Variants in PTGER4 observed in about 807,000 individuals in gnomAD.
PTGER4 encodes prostaglandin E2 receptor EP4 subtype.
PTGER4 carries 11 observed loss-of-function variants against 33.2 expected under a neutral mutation model. The ratio of observed to expected loss-of-function variants is 0.33; its 90% CI spans 0.21 to 0.55. PTGER4 has a LOEUF of 0.55. Ranked by LOEUF, PTGER4 falls within the 20% of genes least tolerant of loss-of-function variation. The probability of loss-of-function intolerance (pLI) is 0.92; values close to 1 mark genes in which losing one functional copy is unlikely to be tolerated. For synonymous variants in PTGER4, 275 were observed against 281.5 expected, an observed-to-expected ratio of 0.98 and a Z score of 0.23; for missense variants, 481 against 650.2, an observed-to-expected ratio of 0.74 and a Z score of 2.83.
chr5:40,711,237 T>A, the PTGER4 span, among the ~76,000 whole-genome samples: 1 of 152,060 alleles, frequency 6.6e-6, no homozygotes, highest in African/African-American at 2.4e-5. Context: ...GGCAAAATAT[T>A]TGAAAAGTTA....
chr5:40,689,926 A>AT (rs1480809085), intron 2 of PTGER4, among the ~76,000 whole-genome samples: 1 of 152,108 alleles, frequency 6.6e-6, no homozygotes, highest in Non-Finnish European at 1.5e-5. Flanking sequence ...TTCTATTTCT[A>AT]TTTCTATGTG....
chr5:40,693,496 A>C lies in PTGER4; in HGVS notation c.*1118A>C. 1.0e-6 allele frequency: 1 copy of C among 985,988 alleles called. No individual in the cohort carries two copies. The highest frequency in any genetic ancestry group is 1.7e-5 in the African/African-American group (1 of 57,354). 61.1% of individuals were successfully genotyped at this position (985,988 alleles called of 1,614,324 possible). A position where few individuals can be genotyped will look rare whatever the true frequency, so the allele number is the denominator to read the frequency against. ...GTTACATTAGCCATTCATGTATGTC[A>C]GAAGTGCAGAATTGGGGCACTTAAT... On this transcript the variant is annotated 3_prime_UTR_variant, in exon 3 of 3. Coordinates refer to ENST00000302472, the MANE Select transcript of PTGER4 (RefSeq NM_000958.3).
the PTGER4 span, among the ~76,000 whole-genome samples, chr5:40,741,317 CCT>C: frequency 5.1e-3 from 783 of 152,252 alleles, 5 homozygotes; most frequent in African/African-American, 0.018. Context: ...GAAATAACCC[CCT>C]GTGACTCCAG....
At chr5:40,685,330 C>A in intron 2 of PTGER4, 1 of 894,352 alleles carries the variant, frequency 1.1e-6, no homozygotes, top group Non-Finnish European at 1.3e-6. Flanking sequence ...AGCATTTGAT[C>A]AGCAAAAGTT....
chr5:40,704,789 T>A, the PTGER4 span, among the ~76,000 whole-genome samples: 1 of 152,048 alleles, frequency 6.6e-6, no homozygotes, highest in Admixed American at 6.6e-5. Context: ...GTCTCTACAA[T>A]GAGAATTACA....
chr5:40,691,726 G>A lies in PTGER4; in HGVS notation c.868-53G>A. 5 of 1,558,570 alleles carry A rather than the reference G, an allele frequency of 3.2e-6. No homozygotes were observed. Among genetic ancestry groups the A allele is most frequent in the Non-Finnish European group, 3.5e-6 (4 of 1,153,130 alleles). Reference sequence around the variant, plus strand: ...GATAAGGTAGACATAGCATTTATATGTTTTCCCAATTGATTAATGATGAAA... The same window carrying A: ...GATAAGGTAGACATAGCATTTATATATTTTCCCAATTGATTAATGATGAAA... On this transcript the variant is annotated intron_variant, in intron 2 of 2. Transcript: ENST00000302472. This position sits in a 1 kb window ranked among gnomAD's most constrained non-coding sequence, Gnocchi z 4.2.
Position 40,693,506 on chromosome 5 carries a change from A to G in PTGER4, c.*1128A>G. On this transcript the variant is annotated 3_prime_UTR_variant, in exon 3 of 3. Transcript: ENST00000302472. ...CCATTCATGTATGTCAGAAGTGCAG[A>G]ATTGGGGCACTTAATGGTCACCTTG... 1 of 985,912 alleles carries G rather than the reference A, an allele frequency of 1.0e-6. No individual in the cohort carries two copies. The highest frequency in any genetic ancestry group is 1.2e-6 in the Non-Finnish European group (1 of 829,874). The allele number at this position is 985,912 out of a possible 1,614,324, so 61.1% of individuals were successfully genotyped here. A position where few individuals can be genotyped will look rare whatever the true frequency, so the allele number is the denominator to read the frequency against.
the PTGER4 span, among the ~76,000 whole-genome samples, chr5:40,718,154 C>A: frequency 6.6e-6 from 1 of 152,062 alleles, no homozygotes; most frequent in Non-Finnish European, 1.5e-5. Context: ...TGATGGCTCA[C>A]GCCTGTAAAT....
the PTGER4 span, among the ~76,000 whole-genome samples, chr5:40,733,075 T>C: frequency 6.6e-6 from 1 of 152,172 alleles, no homozygotes; most frequent in African/African-American, 2.4e-5. Context: ...ACAAAAGTGG[T>C]AAAAATGTAA....
chr5:40,739,487 G>A, the PTGER4 span, among the ~76,000 whole-genome samples: 1 of 152,150 alleles, frequency 6.6e-6, no homozygotes, highest in Non-Finnish European at 1.5e-5. Flanking sequence ...GGATCATGGG[G>A]GCAGGTTTCC....
At chr5:40,713,176 A>T in the PTGER4 span, among the ~76,000 whole-genome samples, 1 of 152,116 alleles carries the variant, frequency 6.6e-6, no homozygotes, top group East Asian at 1.9e-4. Flanking sequence ...GTCAACTCAC[A>T]ACTCATTTAG....
downstream of PTGER4, among the ~76,000 whole-genome samples, chr5:40,695,492 G>T (rs535870824): frequency 4.5e-3 from 679 of 152,262 alleles, 4 homozygotes; most frequent in Middle Eastern, 0.041. Flanking sequence ...GTTGCAGTGA[G>T]CCGAGATCGT....
the PTGER4 span, among the ~76,000 whole-genome samples, chr5:40,740,163 G>A: frequency 6.6e-6 from 1 of 151,750 alleles, no homozygotes; most frequent in Non-Finnish European, 1.5e-5. Context: ...GTTATTTAAT[G>A]TCAATTATCT....
chr5:40,697,510 C>T (rs939467174), downstream of PTGER4, among the ~76,000 whole-genome samples: 9 of 145,172 alleles, frequency 6.2e-5, no homozygotes, highest in Non-Finnish European at 9.0e-5. Flanking sequence ...GCTTGAACCC[C>T]GGAGGCGGAG....
the PTGER4 span, among the ~76,000 whole-genome samples, chr5:40,724,135 C>T: frequency 6.6e-6 from 1 of 152,088 alleles, no homozygotes; most frequent in Non-Finnish European, 1.5e-5. Context: ...AAATGTCCAT[C>T]AAAGGAAGAA....
chr5:40,692,418 A>C lies in PTGER4; in HGVS notation c.*40A>C. On this transcript the variant is annotated 3_prime_UTR_variant, in exon 3 of 3. Transcript: ENST00000302472. ...AATACAGTACTGTTTCTGGACCCTT[A>C]TAAAATCCTGTGCAATAGACACATA... The C allele has an allele frequency of 6.5e-7, 1 of 1,528,998 alleles. No homozygotes were observed. The highest frequency in any genetic ancestry group is 2.1e-5 in the Admixed American group (1 of 47,792). The allele number at this position is 1,528,998 out of a possible 1,614,324, so 94.7% of individuals were successfully genotyped here. A position where few individuals can be genotyped will look rare whatever the true frequency, so the allele number is the denominator to read the frequency against.
chr5:40,684,372 C>T (rs530122548), intron 2 of PTGER4, among the ~76,000 whole-genome samples: 16 of 151,984 alleles, frequency 1.1e-4, no homozygotes, highest in Admixed American at 6.5e-4. Context: ...AAAATCAAAG[C>T]GTTGGAATCA....
At chr5:40,711,956 T>C in the PTGER4 span, among the ~76,000 whole-genome samples, 3 of 152,112 alleles carry the variant, frequency 2.0e-5, no homozygotes, top group Non-Finnish European at 4.4e-5. Context: ...GAGAACTTTT[T>C]GGGTGATGGA....
chr5:40,682,043 C>G (rs777238455), intron 2 of PTGER4, among the ~76,000 whole-genome samples, 183 bp downstream of exon 2: 3 of 152,228 alleles, frequency 2.0e-5, no homozygotes, highest in Non-Finnish European at 4.4e-5. Flanking sequence ...CCAACCCTAA[C>G]GAGATTTAGC....
Sources: allele counts gnomAD v4.1 joint callset (sites outside exome capture counted in the v4.1 genomes callset), GRCh38; gene constraint gnomAD v4.1.1; non-coding constraint Gnocchi (gnomAD v3.1); transcripts MANE v1.5; gene names NCBI Gene and HGNC (gene_info 2026-07-23, HGNC 2026-07-21).